The following B3GNT7 variants were observed in gnomAD, a reference collection of about 807,000 sequenced individuals.
B3GNT7 encodes BGnT-7.
Under a neutral mutation model 5.1 loss-of-function variants are expected in B3GNT7, and 9 were observed. That is an observed-to-expected ratio of 1.77 (90% CI 1.07 to 3.09). B3GNT7 has a LOEUF of 3.09. Among genes scored for constraint, B3GNT7 ranks in the 30% most tolerant of loss-of-function variants. The probability of loss-of-function intolerance (pLI) is 0.00; values close to 1 mark genes in which losing one functional copy is unlikely to be tolerated. For missense variants in B3GNT7, 468 were observed against 550.8 expected (o/e 0.85, Z 1.50); for synonymous variants, 253 against 248.6 (o/e 1.02, Z -0.17).
chr2:231,397,071 A>G (rs572923710), intron 1 of B3GNT7: 153 of 463,570 alleles, frequency 3.3e-4, no homozygotes, highest in African/African-American at 1.9e-3. Context: ...TTGGGCCTCC[A>G]TCAACCATGA....
At position 231,399,019 on chromosome 2, in the gene B3GNT7, T is replaced by A. The variant is rs558844659; in HGVS notation, c.*94T>A. On this transcript the variant is annotated 3_prime_UTR_variant, in exon 2 of 2. Coordinates refer to ENST00000287590, the MANE Select transcript of B3GNT7 (RefSeq NM_145236.3). ...CACAGTGCCCAGGCCTAGCCTTTGG[T>A]CCCCAAGGGGAGGTGGAGGGTTGAG... 1 of 1,173,870 alleles carries A rather than the reference T, an allele frequency of 8.5e-7. No homozygotes were observed. Among genetic ancestry groups the A allele is most frequent in the South Asian group, 1.6e-5 (1 of 63,026 alleles). The allele number at this position is 1,173,870 out of a possible 1,614,324, so 72.7% of individuals were successfully genotyped here. A position where few individuals can be genotyped will look rare whatever the true frequency, so the allele number is the denominator to read the frequency against.
rs2046552497 is a variant in B3GNT7 at position 231,400,304 on chromosome 2, A to G, written c.*1379A>G. ...TGGGGATGGGAGTACGGCAACAGAA[A>G]AACCTGGGAGCTAGCAATGCACCCA... On this transcript the variant is annotated 3_prime_UTR_variant, in exon 2 of 2. Transcript: ENST00000287590. 6.6e-6 allele frequency: 1 copy of G among 152,046 alleles called. No individual in the cohort carries two copies. The highest frequency in any genetic ancestry group is 1.5e-5 in the Non-Finnish European group (1 of 68,066). The allele number at this position is 152,046 out of a possible 1,614,324, so 9.4% of individuals were successfully genotyped here.
chr2:231,397,771 C>G lies in B3GNT7; in HGVS notation c.52C>G (p.Leu18Val), dbSNP rs1216494637. Residue 18 changes from leucine to valine, a missense_variant, in exon 2 of 2, where the codon CTG (leucine) becomes GTG (valine). Leu to Val is a conservative substitution (Grantham distance 32). Coordinates refer to ENST00000287590, the MANE Select transcript of B3GNT7 (RefSeq NM_145236.3). ...VYRSLCLALALLVAVTVFQRS... is the reference protein window; with the variant it reads ...VYRSLCLALAVLVAVTVFQRS... ...CCGGAGTCTGTGCCTGGCCCTGGCC[C>G]TGCTCGTGGCCGTGACGGTGTTCCA... 2.5e-6 allele frequency: 4 copies of G among 1,613,760 alleles called. No individual in the cohort carries two copies. The South Asian group carries it at 4.4e-5, about 18-fold the overall frequency.
Position 231,399,133 on chromosome 2 carries a change from C to T in B3GNT7, c.*208C>T, listed in dbSNP as rs188766734. The T allele has an allele frequency of 2.0e-4, 120 of 587,934 alleles. No individual in the cohort carries two copies. Among genetic ancestry groups the T allele is most frequent in the Middle Eastern group, 4.5e-4 (1 of 2,214 alleles). The allele number at this position is 587,934 out of a possible 1,614,324, so 36.4% of individuals were successfully genotyped here. A position where few individuals can be genotyped will look rare whatever the true frequency, so the allele number is the denominator to read the frequency against. On this transcript the variant is annotated 3_prime_UTR_variant, in exon 2 of 2. Transcript: ENST00000287590. ...ATTCTAGGAAACTGAGGCCCAGGAA[C>T]GGTTGGAGCTGCCCAGTCTGGAGGC...
rs2046548664 is a variant in B3GNT7 at position 231,399,821 on chromosome 2, C to T, written c.*896C>T. Reference sequence around the variant, plus strand: ...TTTGGAGGGAGAAGGCTCCAGGCTTCAGGAGGGGGTGGTGTCCTCCCTGGC... The same window carrying T: ...TTTGGAGGGAGAAGGCTCCAGGCTTTAGGAGGGGGTGGTGTCCTCCCTGGC... On this transcript the variant is annotated 3_prime_UTR_variant, in exon 2 of 2. Transcript: ENST00000287590. 6.6e-6 allele frequency: 1 copy of T among 152,458 alleles called. No individual in the cohort carries two copies. 9.4% of individuals were successfully genotyped at this position (152,458 alleles called of 1,614,324 possible).
intron 1 of B3GNT7, chr2:231,397,084 G>A (rs1345993308): frequency 1.7e-6 from 1 of 571,986 alleles, no homozygotes; most frequent in African/African-American, 2.0e-5. Context: ...AACCATGAGG[G>A]CTGCTCTTTG....
In B3GNT7 at chr2:231,395,732, T is replaced by G. The variant is rs1026651128; in HGVS notation, c.-72T>G. The G allele has an allele frequency of 1.7e-5, 19 of 1,142,926 alleles. No individual in the cohort carries two copies. Among genetic ancestry groups the G allele is most frequent in the South Asian group, 8.1e-5 (2 of 24,816 alleles). The allele number at this position is 1,142,926 out of a possible 1,614,324, so 70.8% of individuals were successfully genotyped here. On this transcript the variant is annotated 5_prime_UTR_variant, in exon 1 of 2. Transcript: ENST00000287590. The surrounding 1 kb of genome is among the most constrained non-coding windows in gnomAD (Gnocchi z 7.3). The stretch of plus-strand genomic sequence containing the variant: ...GGTCTCCGTCCCCACCCGCCCGCCG[T>G]CCCGCCGGCCCGAGCCGTGGCGCCC...
chr2:231,397,952 G>A lies in B3GNT7; in HGVS notation c.233G>A (p.Gly78Glu), dbSNP rs775984337. 18 of 1,612,788 alleles carry A rather than the reference G, an allele frequency of 1.1e-5. No individual in the cohort carries two copies. The highest frequency in any genetic ancestry group is 1.5e-5 in the Non-Finnish European group (18 of 1,179,894). The change falls in exon 2 of 2, where the codon GGG becomes GAG. Residue 78 changes from glycine to glutamate, a missense_variant. Transcript: ENST00000287590. The stretch of plus-strand genomic sequence containing the variant: ...GCGCCCACGCCCATGGCCTCTCAGG[G>A]GCCCCAGGCCTGGGACGTGACCACC... ...VAAPTPMASQ[G>E]PQAWDVTTTN...
In B3GNT7 at chr2:231,395,921, C is replaced by T; in HGVS notation, c.11+107C>T. The T allele has an allele frequency of 1.3e-6, 1 of 755,896 alleles. No individual in the cohort carries two copies. The highest frequency in any genetic ancestry group is 1.7e-6 in the Non-Finnish European group (1 of 584,742). The allele number at this position is 755,896 out of a possible 1,614,324, so 46.8% of individuals were successfully genotyped here. A position where few individuals can be genotyped will look rare whatever the true frequency, so the allele number is the denominator to read the frequency against. The stretch of plus-strand genomic sequence containing the variant: ...GCCGGGACTCCCGGGATAGGAGATG[C>T]CCCCGCGCGCGCCGCGCCGGCCTCA... On this transcript the variant is annotated intron_variant, in intron 1 of 1. Transcript: ENST00000287590. This position sits in a 1 kb window ranked among gnomAD's most constrained non-coding sequence, Gnocchi z 7.3.
At chr2:231,397,021 G>A (rs959494604) in intron 1 of B3GNT7, among the ~76,000 whole-genome samples, 3 of 152,192 alleles carry the variant, frequency 2.0e-5, no homozygotes, top group Non-Finnish European at 4.4e-5. Context: ...TTAAGGTAGG[G>A]GTGAGGGGCA....
Position 231,398,736 on chromosome 2 carries a change from G to A in B3GNT7, c.1017G>A (p.Val339=), listed in dbSNP as rs578262437. ...GCATGTGCCTGGAGGTGCTGGGCGT[G>A]CAGCCCACGGCCCACGAGGGCTTCA... The part of the protein sequence containing the change: ...FLGMCLEVLG[V]QPTAHEGFKT... The change falls in exon 2 of 2, where the codon GTG becomes GTA. Residue 339 remains valine (V), a synonymous_variant. Coordinates refer to ENST00000287590, the MANE Select transcript of B3GNT7 (RefSeq NM_145236.3). 1.2e-6 allele frequency: 2 copies of A among 1,610,822 alleles called. No homozygotes were observed. Among genetic ancestry groups the A allele is most frequent in the Non-Finnish European group, 1.7e-6 (2 of 1,179,822 alleles).
Position 231,401,098 on chromosome 2 carries a change from G to T in B3GNT7, c.*2173G>T, listed in dbSNP as rs892340072. On this transcript the variant is annotated 3_prime_UTR_variant, in exon 2 of 2. Coordinates refer to ENST00000287590, the MANE Select transcript of B3GNT7 (RefSeq NM_145236.3). ...AAGGGCTAGGAATTTCTTTTTCGGG[G>T]AGCTCGGCTCTTAAGACGCGAGTCT... is the stretch of plus-strand genomic sequence containing the variant. The T allele has an allele frequency of 1.3e-5, 2 of 152,226 alleles. No individual in the cohort carries two copies. Among genetic ancestry groups the T allele is most frequent in the African/African-American group, 4.8e-5 (2 of 41,458 alleles). The allele number at this position is 152,226 out of a possible 1,614,324, so 9.4% of individuals were successfully genotyped here.
Position 231,395,896 on chromosome 2 carries a change from GC to G in B3GNT7, c.11+84del, listed in dbSNP as rs1164921559. 13 of 990,296 alleles carry G rather than the reference GC, an allele frequency of 1.3e-5. No individual in the cohort carries two copies. In the African/African-American group the frequency reaches 1.9e-4, roughly 15 times the overall value. 61.3% of individuals were successfully genotyped at this position (990,296 alleles called of 1,614,324 possible). ...CCCTCCTCCGTGGCCACAGACGGGC[GC>G]CGGGACTCCCGGGATAGGAGATGCC... On this transcript the variant is annotated intron_variant, in intron 1 of 1. Coordinates refer to ENST00000287590, the MANE Select transcript of B3GNT7 (RefSeq NM_145236.3). This position sits in a 1 kb window ranked among gnomAD's most constrained non-coding sequence, Gnocchi z 7.3.
intron 1 of B3GNT7, 83 bp from the exon 2 acceptor site, chr2:231,397,648 C>A: frequency 1.5e-6 from 2 of 1,346,880 alleles, no homozygotes; most frequent in Non-Finnish European, 2.0e-6. Context: ...CGTCTGGGAC[C>A]ACCCAGCCTC....
chr2:231,399,040 T>C lies in B3GNT7; in HGVS notation c.*115T>C. 2.1e-6 allele frequency: 2 copies of C among 940,426 alleles called. No homozygotes were observed. The highest frequency in any genetic ancestry group is 3.3e-5 in the African/African-American group (2 of 60,036). 58.3% of individuals were successfully genotyped at this position (940,426 alleles called of 1,614,324 possible). On this transcript the variant is annotated 3_prime_UTR_variant, in exon 2 of 2. Coordinates refer to ENST00000287590, the MANE Select transcript of B3GNT7 (RefSeq NM_145236.3). ...TTGGTCCCCAAGGGGAGGTGGAGGG[T>C]TGAGGCCTACGTGCCACTGGGTGTG...
chr2:231,396,275 G>A (rs1036624687), intron 1 of B3GNT7, among the ~76,000 whole-genome samples: 3 of 152,104 alleles, frequency 2.0e-5, no homozygotes, highest in African/African-American at 7.2e-5. Flanking sequence ...CGAATGGAGC[G>A]GACCCGGCAG....
rs2046534046 is a variant in B3GNT7 at position 231,398,305 on chromosome 2, G to A, written c.586G>A (p.Glu196Lys). ...RTHYQQLLAYEDRLYGDILQW... is the reference protein window; with the variant it reads ...RTHYQQLLAYKDRLYGDILQW... ...GCACTACCAGCAGCTGCTGGCCTAC[G>A]AAGACCGCCTCTACGGCGACATCCT... The change falls in exon 2 of 2, where the codon GAA (glutamate) becomes AAA (lysine). Residue 196 changes from glutamate to lysine, a missense_variant. Glu to Lys is a moderately conservative substitution (Grantham distance 56, BLOSUM62 1). Transcript: ENST00000287590. 5 of 1,613,070 alleles carry A rather than the reference G, an allele frequency of 3.1e-6. No homozygotes were observed. Among genetic ancestry groups the A allele is most frequent in the South Asian group, 1.1e-5 (1 of 91,096 alleles).
Position 231,398,977 on chromosome 2 carries a change from G to C in B3GNT7, c.*52G>C. The C allele has an allele frequency of 2.7e-6, 4 of 1,454,770 alleles. No homozygotes were observed. In the Middle Eastern group the frequency reaches 8.2e-4, roughly 297 times the overall value. 90.1% of individuals were successfully genotyped at this position (1,454,770 alleles called of 1,614,324 possible). The stretch of plus-strand genomic sequence containing the variant: ...AGGGCACTTGCTCCTGAGCCCCCAT[G>C]GTATTGGGGCTGGAGCCACAGTGCC... On this transcript the variant is annotated 3_prime_UTR_variant, in exon 2 of 2. Transcript: ENST00000287590.
In B3GNT7 at chr2:231,400,884, AATG is replaced by A. The variant is rs958402776; in HGVS notation, c.*1962_*1964del. 1.3e-5 allele frequency: 2 copies of A among 152,218 alleles called. No homozygotes were observed. Among genetic ancestry groups the A allele is most frequent in the African/African-American group, 4.8e-5 (2 of 41,446 alleles). The allele number at this position is 152,218 out of a possible 1,614,324, so 9.4% of individuals were successfully genotyped here. ...GCCACCACCTGGCCCTGGTGGTTAAAATGATAATAATATTAACCCCTGACCAAA... is the reference window on the plus strand; with the variant it reads ...GCCACCACCTGGCCCTGGTGGTTAAAATAATAATATTAACCCCTGACCAAA... On this transcript the variant is annotated 3_prime_UTR_variant, in exon 2 of 2. Transcript: ENST00000287590.
Sources: gnomAD v4.1 joint callset for allele counts (sites outside exome capture counted in the v4.1 genomes callset) on GRCh38, gnomAD v4.1.1 for gene constraint, Gnocchi (gnomAD v3.1) non-coding constraint, MANE v1.5 for transcripts, NCBI Gene and HGNC (gene_info 2026-07-23, HGNC 2026-07-21) for gene names.